Variants in RNF2 observed in about 807,000 individuals in gnomAD.
RNF2 encodes the protein ring finger protein 2.
Under a neutral mutation model 37.2 loss-of-function variants are expected in RNF2, and 6 were observed. The ratio of observed to expected loss-of-function variants is 0.16; its 90% CI spans 0.09 to 0.32. RNF2 has a LOEUF of 0.32. Among genes scored for constraint, RNF2 ranks in the 10% least tolerant of loss-of-function variants. The pLI is 1.00. For synonymous variants in RNF2, 133 were observed against 132.7 expected (o/e 1.00, Z -0.02); for missense variants, 251 against 404.0 (o/e 0.62, Z 3.25).
intron 1 of RNF2, among the ~76,000 whole-genome samples, chr1:185,076,990 CTTCAG>C (rs1437681989): frequency 2.6e-5 from 4 of 152,128 alleles, no homozygotes; most frequent in East Asian, 1.9e-4. Context: ...CTTTAATATA[CTTCAG>C]TTAAGTTGTA....
At chr1:185,062,549 A>AG (rs1435478912) in intron 1 of RNF2, among the ~76,000 whole-genome samples, 1 of 152,162 alleles carries the variant, frequency 6.6e-6, no homozygotes, top group African/African-American at 2.4e-5. Context: ...TGTAAAAAAA[A>AG]ATTGCAAGAA....
intron 4 of RNF2, among the ~76,000 whole-genome samples, chr1:185,097,544 T>C (rs148628945): frequency 1.6e-4 from 24 of 152,350 alleles, no homozygotes; most frequent in African/African-American, 5.3e-4. Context: ...ATAAAGAAAA[T>C]TATTTTTAAG....
chr1:185,062,697 G>A (rs1650646352), intron 1 of RNF2, among the ~76,000 whole-genome samples: 1 of 151,986 alleles, frequency 6.6e-6, no homozygotes, highest in African/African-American at 2.4e-5. Context: ...AGCAAACTGG[G>A]GAAAATTAAC....
At position 185,063,346 on chromosome 1, in the gene RNF2, C is replaced by G. The variant is rs571823601; in HGVS notation, c.-3+17697C>G. Among the ~76,000 whole-genome samples the G allele has an allele frequency of 2.6e-5, 4 of 152,264 alleles. No individual in the cohort carries two copies. The South Asian group carries it at 6.2e-4, about 24-fold the overall frequency. Reference sequence around the variant, plus strand: ...TGATTCAGTGAGTCTGAAATGCAACCTTGGTATCAGAATTGTTTAAAATTT... The same window carrying G: ...TGATTCAGTGAGTCTGAAATGCAACGTTGGTATCAGAATTGTTTAAAATTT... On this transcript the variant is annotated intron_variant, in intron 1 of 6. Coordinates refer to ENST00000367510, the MANE Select transcript of RNF2 (RefSeq NM_007212.4).
chr1:185,077,817 T>G (rs564067880), intron 1 of RNF2, among the ~76,000 whole-genome samples: 2 of 152,278 alleles, frequency 1.3e-5, no homozygotes, highest in East Asian at 1.9e-4. Context: ...AATGCCTGAT[T>G]CATTGTTTTT....
chr1:185,078,819 C>T (rs568661486), intron 1 of RNF2, among the ~76,000 whole-genome samples: 49 of 152,144 alleles, frequency 3.2e-4, no homozygotes, highest in Middle Eastern at 3.4e-3. Context: ...CCAAGGCAGG[C>T]GGATCACCTG....
rs76955037 is a variant in RNF2 at position 185,087,751 on chromosome 1, G to A, written c.87+111G>A. 4.4e-5 allele frequency: 35 copies of A among 786,908 alleles called. No individual in the cohort carries two copies. The East Asian group carries it at 9.2e-4, about 21-fold the overall frequency. 48.7% of individuals were successfully genotyped at this position (786,908 alleles called of 1,614,324 possible). A position where few individuals can be genotyped will look rare whatever the true frequency, so the allele number is the denominator to read the frequency against. On this transcript the variant is annotated intron_variant, in intron 2 of 6. Transcript: ENST00000367510. ...AGAGTAATAATAAATTTATATTCAA[G>A]CATTCCTGACTTCTGTATGTTGGCT...
intron 1 of RNF2, among the ~76,000 whole-genome samples, chr1:185,057,950 C>G (rs1021474830): frequency 9.2e-5 from 14 of 152,022 alleles, no homozygotes; most frequent in Non-Finnish European, 2.1e-4. Context: ...CATGGTGAGA[C>G]CCTGTCTCTA....
intron 1 of RNF2, among the ~76,000 whole-genome samples, chr1:185,046,833 A>G (rs984211466): frequency 1.3e-5 from 2 of 152,232 alleles, no homozygotes; most frequent in Admixed American, 1.3e-4. Flanking sequence ...CAGCTGGAAT[A>G]CTTAGTCTAA....
chr1:185,089,301 A>G (rs994806052), intron 2 of RNF2, among the ~76,000 whole-genome samples: 2 of 152,174 alleles, frequency 1.3e-5, no homozygotes, highest in South Asian at 4.1e-4. Context: ...ATACCTGTCC[A>G]TGGCCTGAGG....
intron 1 of RNF2, among the ~76,000 whole-genome samples, chr1:185,065,809 T>G (rs900299149): frequency 7.9e-5 from 12 of 152,242 alleles, no homozygotes; most frequent in Non-Finnish European, 1.6e-4. Flanking sequence ...CACAATGTCA[T>G]CTACAAAGAT....
At chr1:185,083,724 G>A (rs1171528294) in intron 1 of RNF2, among the ~76,000 whole-genome samples, 5 of 146,402 alleles carry the variant, frequency 3.4e-5, no homozygotes, top group Non-Finnish European at 6.0e-5. Flanking sequence ...TACAACCTCA[G>A]CCTCCTGAGT....
intron 1 of RNF2, among the ~76,000 whole-genome samples, chr1:185,084,023 CT>C (rs1223673486): frequency 6.6e-6 from 1 of 150,746 alleles, no homozygotes; most frequent in African/African-American, 2.4e-5. Context: ...CTCACTGAAA[CT>C]TTAAACTCCT....
chr1:185,063,537 C>A (rs1650674644), intron 1 of RNF2, among the ~76,000 whole-genome samples: 1 of 152,164 alleles, frequency 6.6e-6, no homozygotes, highest in African/African-American at 2.4e-5. Flanking sequence ...CCCACTCTTA[C>A]CATCTTCTGG....
rs187495975 is a variant in RNF2, at chr1:185,062,622, G to A, written c.-3+16973G>A. ...CTTCCAAAGATGCCATAGAAGAAAA[G>A]TACATTAAAAATATATAAAAGATAA... On this transcript the variant is annotated intron_variant, in intron 1 of 6. Coordinates refer to ENST00000367510, the MANE Select transcript of RNF2 (RefSeq NM_007212.4). Among the ~76,000 whole-genome samples the A allele has an allele frequency of 1.6e-4, 24 of 152,068 alleles. 1 individual carries two copies. In the East Asian group the frequency reaches 4.6e-3, roughly 29 times the overall value.
At chr1:185,049,705 A>G (rs1407831320) in intron 1 of RNF2, among the ~76,000 whole-genome samples, 1 of 151,560 alleles carries the variant, frequency 6.6e-6, no homozygotes, top group African/African-American at 2.4e-5. Flanking sequence ...GGAACATTAC[A>G]GTAATCAGAA....
intron 1 of RNF2, among the ~76,000 whole-genome samples, chr1:185,059,151 A>T (rs981020141): frequency 6.6e-6 from 1 of 151,820 alleles, no homozygotes; most frequent in Non-Finnish European, 1.5e-5. Context: ...GAAGAGAGAG[A>T]TTAAGTTAGT....
At chr1:185,065,949 C>T (rs924183345) in intron 1 of RNF2, among the ~76,000 whole-genome samples, 2 of 150,100 alleles carry the variant, frequency 1.3e-5, no homozygotes, top group Non-Finnish European at 3.0e-5. Flanking sequence ...TTCTGCTATA[C>T]TGTCTCATTT....
chr1:185,085,819 A>G (rs994452179), intron 1 of RNF2, among the ~76,000 whole-genome samples: 5 of 151,904 alleles, frequency 3.3e-5, no homozygotes, highest in Admixed American at 2.0e-4. Flanking sequence ...ACACCCGGCT[A>G]ATTTTTGTAT....
Sources: gnomAD v4.1 joint callset for allele counts (sites outside exome capture counted in the v4.1 genomes callset) on GRCh38, gnomAD v4.1.1 for gene constraint, MANE v1.5 for transcripts, NCBI Gene and HGNC (gene_info 2026-07-23, HGNC 2026-07-21) for gene names.